ZMYM1: variants seen among roughly 807,000 people sequenced by gnomAD.
The protein encoded by ZMYM1 is zinc finger MYM-type containing 1.
In ZMYM1, 39 loss-of-function variants were observed where a neutral mutation model predicts 60.0. The ratio of observed to expected loss-of-function variants is 0.65; its 90% CI spans 0.50 to 0.85. The LOEUF (loss-of-function observed/expected upper bound fraction) is 0.85, where lower values mean the gene tolerates loss of function less well. Ranked by LOEUF, ZMYM1 falls within the 40% of genes least tolerant of loss-of-function variation. The pLI is 0.00. For synonymous variants in ZMYM1, 413 were observed against 454.0 expected, an observed-to-expected ratio of 0.91 and a Z score of 1.15; for missense variants, 1,171 against 1,309.5, an observed-to-expected ratio of 0.89 and a Z score of 1.63.
intron 3 of ZMYM1, 125 bp downstream of exon 3, chr1:35,096,016 T>C: frequency 1.4e-6 from 1 of 737,886 alleles, no homozygotes; most frequent in Non-Finnish European, 2.3e-6. Flanking sequence ...AAGTAACCTG[T>C]AAGAAAATGA....
intron 8 of ZMYM1, 67 bp downstream of exon 8, chr1:35,111,979 T>A: frequency 6.4e-7 from 1 of 1,557,118 alleles, no homozygotes; most frequent in Non-Finnish European, 8.7e-7. Flanking sequence ...TCTGTCTATA[T>A]GCTAAATTTT....
chr1:35,096,596 C>T (rs1203560355), intron 3 of ZMYM1, among the ~76,000 whole-genome samples: 69 of 151,228 alleles, frequency 4.6e-4, no homozygotes, highest in Middle Eastern at 3.2e-3. Flanking sequence ...TGCAATGGCA[C>T]GATCTTGGCT....
At chr1:35,099,731 CTTAT>C (rs1228715646) in intron 4 of ZMYM1, among the ~76,000 whole-genome samples, 1 of 151,908 alleles carries the variant, frequency 6.6e-6, no homozygotes, top group African/African-American at 2.4e-5. Context: ...TTTTCAGTTA[CTTAT>C]TTATTTATTT....
intron 4 of ZMYM1, among the ~76,000 whole-genome samples, chr1:35,101,706 T>C (rs952434059): frequency 6.6e-6 from 1 of 151,776 alleles, no homozygotes; most frequent in Non-Finnish European, 1.5e-5. Context: ...TCCCAAAACA[T>C]TGATCACAAA....
chr1:35,087,137 T>C (rs1286933116), intron 1 of ZMYM1, among the ~76,000 whole-genome samples: 1 of 151,182 alleles, frequency 6.6e-6, no homozygotes, highest in Non-Finnish European at 1.5e-5. Context: ...ACTACAGGTG[T>C]GTGCCACCAC....
At chr1:35,111,938 A>G in intron 8 of ZMYM1, 26 bp downstream of exon 8, 1 of 1,568,202 alleles carries the variant, frequency 6.4e-7, no homozygotes, top group Non-Finnish European at 8.6e-7. Context: ...AAGATATTTG[A>G]CATAAATATT....
At position 35,113,792 on chromosome 1, in the gene ZMYM1, C is replaced by T. The variant is rs1480772938; in HGVS notation, c.1962C>T (p.Ala654=). The change falls in exon 10 of 10, where the codon GCC becomes GCT. Residue 654 remains alanine, a synonymous_variant. Transcript: ENST00000359858. ...TATGTGATGAGACAATCAATAGTGC[C>T]ATGAAAGAACAGCTTTCAATTTGTG... ...SIICDETINS[A]MKEQLSICVR... 3.7e-6 allele frequency: 6 copies of T among 1,613,726 alleles called. No individual in the cohort carries two copies. Among genetic ancestry groups the T allele is most frequent in the Non-Finnish European group, 3.4e-6 (4 of 1,179,878 alleles).
chr1:35,094,705 C>G (rs2148516220), intron 2 of ZMYM1, among the ~76,000 whole-genome samples: 1 of 152,152 alleles, frequency 6.6e-6, no homozygotes, highest in Middle Eastern at 3.4e-3. Flanking sequence ...AAAAATTAGC[C>G]AGGCATAGTG....
At chr1:35,098,261 T>C (rs76792775) in intron 4 of ZMYM1, among the ~76,000 whole-genome samples, 1 of 152,198 alleles carries the variant, frequency 6.6e-6, no homozygotes, top group African/African-American at 2.4e-5. Flanking sequence ...AGTGATTCTT[T>C]TGAAAAATTG....
At chr1:35,067,976 C>T (rs1222572302) in intron 1 of ZMYM1, among the ~76,000 whole-genome samples, 1 of 152,008 alleles carries the variant, frequency 6.6e-6, no homozygotes, top group African/African-American at 2.4e-5. Context: ...ATTGTAGAGA[C>T]AGGGTCTCGC....
chr1:35,086,744 T>C, intron 1 of ZMYM1, among the ~76,000 whole-genome samples: 1 of 151,860 alleles, frequency 6.6e-6, no homozygotes, highest in African/African-American at 2.4e-5. Flanking sequence ...GACAGTGAGC[T>C]TGATCTCAGC....
chr1:35,110,346 A>G lies in ZMYM1; in HGVS notation c.860A>G (p.Asp287Gly). ...CCTTGCAAACCATTGAAGCCCTCAG[A>G]TGAAATGATTGAGACTACGAGTGAT... ...SVPCKPLKPS[D>G]EMIETTSDLG... Residue 287 changes from aspartate (D) to glycine (G), a missense_variant, in exon 7 of 10, where the codon GAT (aspartate) becomes GGT (glycine). Coordinates refer to ENST00000359858, the MANE Select transcript of ZMYM1 (RefSeq NM_024772.5). The G allele has an allele frequency of 6.3e-7, 1 of 1,591,388 alleles. No homozygotes were observed. The highest frequency in any genetic ancestry group is 8.5e-7 in the Non-Finnish European group (1 of 1,171,016).
intron 1 of ZMYM1, among the ~76,000 whole-genome samples, chr1:35,091,819 C>T (rs1189479520): frequency 1.3e-5 from 2 of 148,294 alleles, no homozygotes; most frequent in Non-Finnish European, 3.0e-5. Context: ...TTGCTTGATC[C>T]CAGGAGGGTG....
intron 3 of ZMYM1, among the ~76,000 whole-genome samples, chr1:35,096,664 A>G (rs1329611013): frequency 2.0e-5 from 3 of 151,832 alleles, no homozygotes; most frequent in Non-Finnish European, 4.4e-5. Flanking sequence ...CTCCCAAGTA[A>G]CTAGGATCAC....
intron 1 of ZMYM1, among the ~76,000 whole-genome samples, chr1:35,088,529 A>G (rs1642811654): frequency 1.4e-5 from 2 of 146,396 alleles, no homozygotes; most frequent in Non-Finnish European, 3.0e-5. Context: ...TATATTTTAT[A>G]TTACTACCAA....
chr1:35,101,106 A>G (rs1314792437), intron 4 of ZMYM1, among the ~76,000 whole-genome samples: 1 of 104,740 alleles, frequency 9.5e-6, no homozygotes, highest in Non-Finnish European at 1.9e-5. Context: ...CCCAGCCAAC[A>G]TTCTTTTTTT....
chr1:35,095,502 A>G (rs1423462367), intron 2 of ZMYM1, among the ~76,000 whole-genome samples: 10 of 102,562 alleles, frequency 9.8e-5, no homozygotes, highest in African/African-American at 1.4e-4. Context: ...AAAAAAAAAG[A>G]AAAAAAAAAA....
At chr1:35,080,343 G>T (rs961715384) in intron 1 of ZMYM1, among the ~76,000 whole-genome samples, 1 of 146,134 alleles carries the variant, frequency 6.8e-6, no homozygotes. Flanking sequence ...TGGAGACTGG[G>T]TCTCGCTCTT....
chr1:35,117,381 G>T (rs1046428495), downstream of ZMYM1, among the ~76,000 whole-genome samples: 1 of 151,850 alleles, frequency 6.6e-6, no homozygotes, highest in African/African-American at 2.4e-5. Context: ...GTACGGTGGC[G>T]TGATATTGGC....
Sources: gnomAD v4.1 joint callset for allele counts (sites outside exome capture counted in the v4.1 genomes callset) on GRCh38, gnomAD v4.1.1 for gene constraint, MANE v1.5 for transcripts, NCBI Gene and HGNC (gene_info 2026-07-23, HGNC 2026-07-21) for gene names.